ARID5A: variants seen among roughly 807,000 people sequenced by gnomAD.
ARID5A encodes the protein AT-rich interactive domain-containing protein 5A.
In ARID5A, 14 loss-of-function variants were observed where a neutral mutation model predicts 30.5. That is an observed-to-expected ratio of 0.46 (90% CI 0.30 to 0.72). The LOEUF (loss-of-function observed/expected upper bound fraction) is 0.72. Ranked by LOEUF, ARID5A falls within the 30% of genes least tolerant of loss-of-function variation. ARID5A has a pLI of 0.07. For synonymous variants in ARID5A, 338 were observed against 340.4 expected, an observed-to-expected ratio of 0.99 and a Z score of 0.08; for missense variants, 669 against 786.2, an observed-to-expected ratio of 0.85 and a Z score of 1.78.
intron 6 of ARID5A, 30 bp from the exon 7 acceptor site, chr2:96,551,069 G>C: frequency 6.3e-7 from 1 of 1,590,188 alleles, no homozygotes; most frequent in Non-Finnish European, 8.6e-7. Context: ...GGCTGAGGCA[G>C]TCCTGAGGCA....
rs1333497594 is a variant in ARID5A at position 96,549,101 on chromosome 2, G to A, written c.121-220G>A. ...TCTGGGGTACCCAGCCTCCGGGGAG[G>A]TCCTGGACTCTAGCTCCTGTCCTGG... is the stretch of plus-strand genomic sequence containing the variant. On this transcript the variant is annotated intron_variant, in intron 2 of 6. Coordinates refer to ENST00000357485, the MANE Select transcript of ARID5A (RefSeq NM_212481.3). The surrounding 1 kb of genome is among the most constrained non-coding windows in gnomAD (Gnocchi z 6.1). 6.6e-6 allele frequency among the ~76,000 whole-genome samples: 1 copy of A among 152,178 alleles called. No individual in the cohort carries two copies. Among genetic ancestry groups the A allele is most frequent in the Non-Finnish European group, 1.5e-5 (1 of 68,024 alleles).
intron 6 of ARID5A, 81 bp from the exon 7 acceptor site, chr2:96,551,018 G>A (rs1397853413): frequency 6.1e-6 from 9 of 1,476,104 alleles, no homozygotes; most frequent in Non-Finnish European, 8.2e-6. Flanking sequence ...ACCTGGGCAG[G>A]CCTGAAAGTG....
chr2:96,550,106 C>A lies in ARID5A; in HGVS notation c.313-82C>A, dbSNP rs2066001780. 4 of 1,531,646 alleles carry A rather than the reference C, an allele frequency of 2.6e-6. No individual in the cohort carries two copies. Among genetic ancestry groups the A allele is most frequent in the South Asian group, 1.2e-5 (1 of 83,756 alleles). The allele number at this position is 1,531,646 out of a possible 1,614,324, so 94.9% of individuals were successfully genotyped here. Reference sequence around the variant, plus strand: ...GCTGCCAAACTGCAGTCCTTCGAGTCCCTGCGAGGGCGGCCGGAGCTGCAA... The same window carrying A: ...GCTGCCAAACTGCAGTCCTTCGAGTACCTGCGAGGGCGGCCGGAGCTGCAA... On this transcript the variant is annotated intron_variant, in intron 4 of 6. Transcript: ENST00000357485. This position sits in a 1 kb window ranked among gnomAD's most constrained non-coding sequence, Gnocchi z 6.6.
chr2:96,550,104 G>A lies in ARID5A; in HGVS notation c.313-84G>A, dbSNP rs572091678. The stretch of plus-strand genomic sequence containing the variant: ...CAGCTGCCAAACTGCAGTCCTTCGA[G>A]TCCCTGCGAGGGCGGCCGGAGCTGC... On this transcript the variant is annotated intron_variant, in intron 4 of 6. Coordinates refer to ENST00000357485, the MANE Select transcript of ARID5A (RefSeq NM_212481.3). The surrounding 1 kb of genome is among the most constrained non-coding windows in gnomAD (Gnocchi z 6.6). 3.8e-5 allele frequency: 58 copies of A among 1,531,736 alleles called. 1 individual carries two copies. The East Asian group carries it at 6.9e-4, about 18-fold the overall frequency. The allele number at this position is 1,531,736 out of a possible 1,614,324, so 94.9% of individuals were successfully genotyped here.
rs1368965836 is a variant in ARID5A, at chr2:96,550,482, G to A, written c.411-92G>A. ...GGACCAGGAGAGGGCCTTCCTCGGC[G>A]CCGGCGGGGAAGGGGGCTCAGAGGA... On this transcript the variant is annotated intron_variant, in intron 5 of 6. Transcript: ENST00000357485. The surrounding 1 kb of genome is among the most constrained non-coding windows in gnomAD (Gnocchi z 6.6). 1.4e-6 allele frequency: 2 copies of A among 1,473,540 alleles called. No homozygotes were observed. Among genetic ancestry groups the A allele is most frequent in the Non-Finnish European group, 1.8e-6 (2 of 1,110,180 alleles). The allele number at this position is 1,473,540 out of a possible 1,614,324, so 91.3% of individuals were successfully genotyped here.
intron 1 of ARID5A, among the ~76,000 whole-genome samples, chr2:96,540,438 C>T (rs554906227): frequency 4.6e-5 from 7 of 152,208 alleles, no homozygotes; most frequent in South Asian, 2.1e-4. Flanking sequence ...TAGCCTGCCT[C>T]GGCCCTCTTC....
At position 96,551,368 on chromosome 2, in the gene ARID5A, C is replaced by T. The variant is rs1573204534; in HGVS notation, c.840C>T (p.Cys280=). Residue 280 remains cysteine, a synonymous_variant, in exon 7 of 7, where the codon TGC becomes TGT. Transcript: ENST00000357485. ...CCTTGCAGTGCCAGGAGGAGGGCTG[C>T]CGCCATGGGGCAGAGCCCCAGGCGT... The part of the protein sequence containing the change: ...VEALQCQEEG[C]RHGAEPQASP... 3 of 1,612,474 alleles carry T rather than the reference C, an allele frequency of 1.9e-6. No homozygotes were observed. Among genetic ancestry groups the T allele is most frequent in the Admixed American group, 3.3e-5 (2 of 59,874 alleles).
At chr2:96,541,827 T>C (rs191552828) in intron 1 of ARID5A, among the ~76,000 whole-genome samples, 1 of 152,236 alleles carries the variant, frequency 6.6e-6, no homozygotes, top group Non-Finnish European at 1.5e-5. Flanking sequence ...CAGAAAAGAA[T>C]CTGCACACAC....
intron 1 of ARID5A, among the ~76,000 whole-genome samples, chr2:96,541,696 T>A (rs917460635): frequency 6.6e-6 from 1 of 152,250 alleles, no homozygotes; most frequent in African/African-American, 2.4e-5. Flanking sequence ...ACCATCATCA[T>A]CATTATTGCT....
At chr2:96,538,199 A>G (rs2065777776) in intron 1 of ARID5A, 9 of 985,334 alleles carry the variant, frequency 9.1e-6, no homozygotes, top group Non-Finnish European at 9.6e-6. Context: ...CGTAGGTGAA[A>G]TGGGAACACA....
In ARID5A at chr2:96,552,369, G is replaced by A; in HGVS notation, c.*56G>A. Reference sequence around the variant, plus strand: ...GTCGACAGGGGCCTACAACAGGCAGGTACTGCTGCCAGGGGGCTCTGAACT... The same window carrying A: ...GTCGACAGGGGCCTACAACAGGCAGATACTGCTGCCAGGGGGCTCTGAACT... On this transcript the variant is annotated 3_prime_UTR_variant, in exon 7 of 7. Transcript: ENST00000357485. 1 of 1,609,262 alleles carries A rather than the reference G, an allele frequency of 6.2e-7. No homozygotes were observed. Among genetic ancestry groups the A allele is most frequent in the Non-Finnish European group, 8.5e-7 (1 of 1,178,532 alleles).
In ARID5A at chr2:96,550,628, C is replaced by A. The variant is rs762113269; in HGVS notation, c.465C>A (p.Pro155=). Residue 155 remains proline, a synonymous_variant, in exon 6 of 7, where the codon CCC becomes CCA. Coordinates refer to ENST00000357485, the MANE Select transcript of ARID5A (RefSeq NM_212481.3). This position sits in a 1 kb window ranked among gnomAD's most constrained non-coding sequence, Gnocchi z 6.6. ...AGGGGGAGGATGACAAGCCGCTGCC[C>A]ACCTCCAAGCCCAGGAAACAGTACA... ...HLKGEDDKPL[P]TSKPRKQYKM... 3 of 1,608,002 alleles carry A rather than the reference C, an allele frequency of 1.9e-6. No individual in the cohort carries two copies. Among genetic ancestry groups the A allele is most frequent in the East Asian group, 2.2e-5 (1 of 44,636 alleles).
Position 96,550,461 on chromosome 2 carries a change from C to A in ARID5A, c.411-113C>A. 6.9e-7 allele frequency: 1 copy of A among 1,451,062 alleles called. No homozygotes were observed. Among genetic ancestry groups the A allele is most frequent in the Non-Finnish European group, 9.1e-7 (1 of 1,100,884 alleles). The allele number at this position is 1,451,062 out of a possible 1,614,324, so 89.9% of individuals were successfully genotyped here. On this transcript the variant is annotated intron_variant, in intron 5 of 6. Transcript: ENST00000357485. The surrounding 1 kb of genome is among the most constrained non-coding windows in gnomAD (Gnocchi z 6.6). ...ACTGAGGGAGCTGAAGCTTTGGGACCAGGAGAGGGCCTTCCTCGGCGCCGG... is the reference window on the plus strand; with the variant it reads ...ACTGAGGGAGCTGAAGCTTTGGGACAAGGAGAGGGCCTTCCTCGGCGCCGG...
At chr2:96,538,140 C>T in intron 1 of ARID5A, 2 of 985,486 alleles carry the variant, frequency 2.0e-6, no homozygotes, top group Non-Finnish European at 2.4e-6. Flanking sequence ...CTCCGATAAT[C>T]TGCTTCTACA....
Position 96,540,890 on chromosome 2 carries a change from C to T in ARID5A, c.4+4060C>T, listed in dbSNP as rs891799362. 1.2e-4 allele frequency among the ~76,000 whole-genome samples: 19 copies of T among 152,016 alleles called. 1 individual carries two copies. Among genetic ancestry groups the T allele is most frequent in the Middle Eastern group, 6.8e-3 (2 of 294 alleles). On this transcript the variant is annotated intron_variant, in intron 1 of 6. Coordinates refer to ENST00000357485, the MANE Select transcript of ARID5A (RefSeq NM_212481.3). ...CCTCCCGAGTAGCTGGGATTATTGG[C>T]GTGTGCCACCACGCCCACTAATTTT... is the stretch of plus-strand genomic sequence containing the variant.
At position 96,550,867 on chromosome 2, in the gene ARID5A, C is replaced by T; in HGVS notation, c.570+134C>T. 7.5e-7 allele frequency: 1 copy of T among 1,330,122 alleles called. No homozygotes were observed. The highest frequency in any genetic ancestry group is 1.0e-6 in the Non-Finnish European group (1 of 996,990). The allele number at this position is 1,330,122 out of a possible 1,614,324, so 82.4% of individuals were successfully genotyped here. On this transcript the variant is annotated intron_variant, in intron 6 of 6. Transcript: ENST00000357485. This position sits in a 1 kb window ranked among gnomAD's most constrained non-coding sequence, Gnocchi z 6.6. ...ACCCAGGGCGGGACTTGCAAGGTTC[C>T]AGGTTCTCCACAGATGGTTGTGCAA...
chr2:96,551,418 G>A lies in ARID5A; in HGVS notation c.890G>A (p.Ser297Asn). 6.2e-7 allele frequency: 1 copy of A among 1,602,970 alleles called. No homozygotes were observed. Among genetic ancestry groups the A allele is most frequent in the Non-Finnish European group, 8.5e-7 (1 of 1,175,496 alleles). ...TCCCCAGCTGTTCACCTCCCAGAGA[G>A]TCCCCAGAGCCCCAAAGGGCTGACT... ...QASPAVHLPESPQSPKGLTEN... is the reference protein window; with the variant it reads ...QASPAVHLPENPQSPKGLTEN... The change falls in exon 7 of 7, where the codon AGT becomes AAT. Residue 297 changes from serine to asparagine, a missense_variant. Physicochemically the swap from Ser to Asn is conservative, Grantham distance 46. This residue lies in a region of ARID5A where 548 missense variants were observed against 577.4 expected (regional missense o/e 0.95). Transcript: ENST00000357485.
Position 96,549,621 on chromosome 2 carries a change from C to T in ARID5A, c.260-132C>T. On this transcript the variant is annotated intron_variant, in intron 3 of 6. Transcript: ENST00000357485. This position sits in a 1 kb window ranked among gnomAD's most constrained non-coding sequence, Gnocchi z 6.1. ...CCAGGGGTGCACAGGGCACAGCCTG[C>T]CCGTCTATTGCAGTGGCCCTGGCTG... is the stretch of plus-strand genomic sequence containing the variant. 1.3e-6 allele frequency: 2 copies of T among 1,502,296 alleles called. No individual in the cohort carries two copies. The highest frequency in any genetic ancestry group is 1.8e-6 in the Non-Finnish European group (2 of 1,084,940). 93.1% of individuals were successfully genotyped at this position (1,502,296 alleles called of 1,614,324 possible).
chr2:96,546,025 C>T (rs1335631472), intron 1 of ARID5A, among the ~76,000 whole-genome samples: 3 of 152,006 alleles, frequency 2.0e-5, no homozygotes, highest in African/African-American at 7.3e-5. Context: ...GCCACAGTCA[C>T]CCCAGCCCAA....
Sources: gnomAD v4.1 joint callset for allele counts (sites outside exome capture counted in the v4.1 genomes callset) on GRCh38, gnomAD v4.1.1 for gene constraint, gnomAD v4.1.1 regional missense constraint, Gnocchi (gnomAD v3.1) non-coding constraint, MANE v1.5 for transcripts, NCBI Gene and HGNC (gene_info 2026-07-23, HGNC 2026-07-21) for gene names.